Variants in ZFP90 observed in about 807,000 individuals in gnomAD.
ZFP90 encodes zinc finger protein 90 homolog.
A neutral mutation model predicts 60.8 loss-of-function variants in ZFP90; 38 were observed. The observed-to-expected ratio is 0.62, with a 90% CI of 0.48 to 0.82. The LOEUF (loss-of-function observed/expected upper bound fraction) is 0.82, where lower values mean the gene tolerates loss of function less well. Among genes scored for constraint, ZFP90 ranks in the 40% least tolerant of loss-of-function variants. The pLI, the probability that ZFP90 is intolerant of heterozygous loss-of-function variation, is 0.00. For synonymous variants in ZFP90, 287 were observed against 264.8 expected, an observed-to-expected ratio of 1.08 and a Z score of -0.82; for missense variants, 711 against 759.1, an observed-to-expected ratio of 0.94 and a Z score of 0.74.
intron 2 of ZFP90, chr16:68,574,282 C>T (rs1284856594): frequency 6.8e-6 from 1 of 146,654 alleles, no homozygotes; most frequent in Non-Finnish European, 1.5e-5. Flanking sequence ...TCTCCTCCCC[C>T]TGAAACAAGG....
At chr16:68,534,507 C>T (rs960035519), upstream of ZFP90, among the ~76,000 whole-genome samples, 1 of 151,044 alleles carries the variant, frequency 6.6e-6, no homozygotes, top group Non-Finnish European at 1.5e-5. Context: ...GGATTACAGG[C>T]GTGAGCCACT....
At chr16:68,572,823 G>A (rs1183956) in intron 2 of ZFP90, among the ~76,000 whole-genome samples, 116,968 of 152,232 alleles carry the variant, frequency 0.77, 45,033 homozygotes, top group East Asian at 0.82. Flanking sequence ...GGAGGTGGAA[G>A]GTGGTAAAGG....
At chr16:68,546,767 C>A (rs1313877562) in intron 2 of ZFP90, among the ~76,000 whole-genome samples, 1 of 152,222 alleles carries the variant, frequency 6.6e-6, no homozygotes, top group Non-Finnish European at 1.5e-5. Flanking sequence ...CCACCTCAGC[C>A]TCCCAAAGTG....
chr16:68,556,666 T>C (rs2091349017), intron 2 of ZFP90, among the ~76,000 whole-genome samples: 1 of 152,240 alleles, frequency 6.6e-6, no homozygotes, highest in African/African-American at 2.4e-5. Context: ...GGTAACAAGC[T>C]AATATCTCCG....
chr16:68,575,980 G>C, exon 3 of ZFP90: 1 of 384,250 alleles, frequency 2.6e-6, no homozygotes, highest in East Asian at 3.7e-5. Flanking sequence ...CACAACTCTG[G>C]AACATTTATT....
chr16:68,572,388 A>G (rs2091573207), intron 2 of ZFP90, among the ~76,000 whole-genome samples: 1 of 152,220 alleles, frequency 6.6e-6, no homozygotes, highest in South Asian at 2.1e-4. Context: ...TAGAGTTCTC[A>G]CAGGATCTTG....
intron 2 of ZFP90, among the ~76,000 whole-genome samples, chr16:68,553,118 G>A (rs1251154203): frequency 6.6e-6 from 1 of 152,156 alleles, no homozygotes; most frequent in African/African-American, 2.4e-5. Flanking sequence ...AGACAATGGA[G>A]ATTCAACAGT....
chr16:68,574,345 C>G (rs987858655), intron 2 of ZFP90: 2 of 150,738 alleles, frequency 1.3e-5, no homozygotes, highest in African/African-American at 4.9e-5. Flanking sequence ...CCAACCCCTT[C>G]TCCCATCTTC....
At chr16:68,573,662 TTAA>T (rs1227427101) in intron 2 of ZFP90, 3 of 152,162 alleles carry the variant, frequency 2.0e-5, no homozygotes, top group Non-Finnish European at 4.4e-5. Flanking sequence ...CAGTTTACAA[TTAA>T]TAATAGGAAG....
At chr16:68,567,394 T>G (rs939253262), downstream of ZFP90, among the ~76,000 whole-genome samples, 3 of 152,196 alleles carry the variant, frequency 2.0e-5, no homozygotes, top group South Asian at 2.1e-4. Context: ...ACAATCTGAT[T>G]GTATTGACTG....
intron 2 of ZFP90, among the ~76,000 whole-genome samples, chr16:68,550,147 CAATA>C (rs2091234486): frequency 6.6e-6 from 1 of 152,078 alleles, no homozygotes; most frequent in Admixed American, 6.5e-5. Flanking sequence ...TTATTTAAAA[CAATA>C]TATCCAGAAT....
downstream of ZFP90, among the ~76,000 whole-genome samples, chr16:68,567,808 C>T (rs1224836212): frequency 6.6e-6 from 1 of 152,150 alleles, no homozygotes; most frequent in Non-Finnish European, 1.5e-5. Flanking sequence ...ATACTTTTAC[C>T]TGCCAGAGCA....
intron 4 of ZFP90, among the ~76,000 whole-genome samples, chr16:68,561,824 T>C (rs1451630076): frequency 1.3e-5 from 2 of 152,240 alleles, no homozygotes; most frequent in South Asian, 4.1e-4. Flanking sequence ...TTGATTCTTA[T>C]TGCAGGGTAA....
intron 2 of ZFP90, among the ~76,000 whole-genome samples, chr16:68,541,109 C>T (rs1266400728): frequency 1.3e-5 from 2 of 151,898 alleles, no homozygotes; most frequent in Admixed American, 6.6e-5. Context: ...GATCTCGGCT[C>T]ACTGCAACCT....
chr16:68,540,614 G>A (rs1296863396), intron 2 of ZFP90, among the ~76,000 whole-genome samples: 2 of 151,918 alleles, frequency 1.3e-5, no homozygotes, highest in Non-Finnish European at 2.9e-5. Flanking sequence ...ATTCTCTTTA[G>A]AATTAAGGGA....
chr16:68,572,361 A>G (rs1031068660), intron 2 of ZFP90, among the ~76,000 whole-genome samples: 6 of 152,178 alleles, frequency 3.9e-5, no homozygotes, highest in Non-Finnish European at 8.8e-5. Context: ...AAAACTGGCA[A>G]TTTGCAATTC....
intron 4 of ZFP90, among the ~76,000 whole-genome samples, chr16:68,560,386 G>A (rs1488855520): frequency 1.3e-5 from 2 of 151,996 alleles, no homozygotes; most frequent in East Asian, 3.9e-4. Flanking sequence ...CATATAATAT[G>A]GCACTGGCTT....
At position 68,539,774 on chromosome 16, in the gene ZFP90, G is replaced by C. The variant is rs775400135; in HGVS notation, c.-19G>C. On this transcript the variant is annotated 5_prime_UTR_variant, in exon 2 of 5. Coordinates refer to ENST00000563169, the MANE Select transcript of ZFP90 (RefSeq NM_001305203.2). ...TCTCCCCAGCTCCTGCCCCGGAGCC[G>C]GGCCCTGGCGAGGCAGGAATGGCCC... is the stretch of plus-strand genomic sequence containing the variant. The C allele has an allele frequency of 6.3e-7, 1 of 1,585,130 alleles. No homozygotes were observed. Among genetic ancestry groups the C allele is most frequent in the South Asian group, 1.1e-5 (1 of 87,482 alleles).
rs116788755 is a variant in ZFP90, at chr16:68,553,746, G to C, written c.34-4252G>C. On this transcript the variant is annotated intron_variant, in intron 2 of 4. Coordinates refer to ENST00000563169, the MANE Select transcript of ZFP90 (RefSeq NM_001305203.2). The stretch of plus-strand genomic sequence containing the variant: ...CAGTCCTCCTGCCTCAGCCCTCCAA[G>C]TAGCTAGGACCATAGATGCAAGCCA... 4.5e-3 allele frequency among the ~76,000 whole-genome samples: 681 copies of C among 152,260 alleles called. 4 individuals are homozygous for C. The highest frequency in any genetic ancestry group is 0.016 in the African/African-American group (646 of 41,540).
Sources: allele counts gnomAD v4.1 joint callset (sites outside exome capture counted in the v4.1 genomes callset), GRCh38; gene constraint gnomAD v4.1.1; transcripts MANE v1.5; gene names NCBI Gene and HGNC (gene_info 2026-07-23, HGNC 2026-07-21).